Variants in RORA observed in about 807,000 individuals in gnomAD.
RORA encodes the protein RAR related orphan receptor A, also known as nuclear receptor ROR-alpha.
A neutral mutation model predicts 69.5 loss-of-function variants in RORA; 7 were observed. That is an observed-to-expected ratio of 0.10 (90% CI 0.06 to 0.19). The LOEUF is 0.19. Ranked by LOEUF, RORA falls within the 10% of genes least tolerant of loss-of-function variation. The pLI is 1.00. For missense variants in RORA, 457 were observed against 663.0 expected, an observed-to-expected ratio of 0.69 and a Z score of 3.41; for synonymous variants, 261 against 240.8, an observed-to-expected ratio of 1.08 and a Z score of -0.78.
At chr15:60,796,376 C>T (rs1276120317) in intron 1 of RORA, among the ~76,000 whole-genome samples, 1 of 152,156 alleles carries the variant, frequency 6.6e-6, no homozygotes, top group Admixed American at 6.5e-5. Flanking sequence ...GCTGGGCCAG[C>T]CCATGGCAGT....
intron 1 of RORA, among the ~76,000 whole-genome samples, chr15:61,227,661 T>C (rs1191453082): frequency 1.3e-5 from 2 of 151,836 alleles, no homozygotes; most frequent in Non-Finnish European, 2.9e-5. Flanking sequence ...AAGGGAGCAG[T>C]TCCTGGGGCC....
At chr15:60,676,688 T>C (rs1319268224) in intron 2 of RORA, among the ~76,000 whole-genome samples, 1 of 152,232 alleles carries the variant, frequency 6.6e-6, no homozygotes, top group Non-Finnish European at 1.5e-5. Flanking sequence ...TGAAATTCTT[T>C]AAGCCTTTGT....
chr15:60,723,237 A>G (rs1221163493), intron 1 of RORA, among the ~76,000 whole-genome samples: 2 of 152,228 alleles, frequency 1.3e-5, no homozygotes, highest in Non-Finnish European at 2.9e-5. Flanking sequence ...CTTAACATAT[A>G]AAGTTTTATT....
chr15:61,079,075 C>A (rs994750086), intron 1 of RORA, among the ~76,000 whole-genome samples: 3 of 151,894 alleles, frequency 2.0e-5, no homozygotes, highest in Non-Finnish European at 4.4e-5. Context: ...TTCACGTGCC[C>A]AAAACTCCCT....
intron 1 of RORA, among the ~76,000 whole-genome samples, chr15:60,980,306 A>G (rs1163319852): frequency 6.6e-6 from 1 of 152,094 alleles, no homozygotes; most frequent in Non-Finnish European, 1.5e-5. Context: ...TAATTTTTGC[A>G]TTTATATTCA....
At chr15:61,129,843 C>G (rs562336337) in intron 1 of RORA, among the ~76,000 whole-genome samples, 1 of 152,332 alleles carries the variant, frequency 6.6e-6, no homozygotes, top group South Asian at 2.1e-4. Flanking sequence ...AAAAGAGGAA[C>G]AAGGAGGCAG....
At chr15:60,555,317 A>G (rs1415904847) in intron 2 of RORA, among the ~76,000 whole-genome samples, 1 of 152,206 alleles carries the variant, frequency 6.6e-6, no homozygotes, top group Non-Finnish European at 1.5e-5. Flanking sequence ...TAAAATCAAA[A>G]GGTTCCAAAG....
intron 1 of RORA, among the ~76,000 whole-genome samples, chr15:60,842,934 G>A (rs928056298): frequency 2.0e-5 from 3 of 152,162 alleles, no homozygotes; most frequent in Non-Finnish European, 1.5e-5. Flanking sequence ...TGGAAGAGCT[G>A]GGGCTGGCTG....
intron 1 of RORA, among the ~76,000 whole-genome samples, chr15:61,206,447 G>A (rs1194453403): frequency 6.6e-6 from 1 of 152,138 alleles, no homozygotes; most frequent in African/African-American, 2.4e-5. Flanking sequence ...TGGGAAACAC[G>A]TGGACAACCC....
intron 1 of RORA, among the ~76,000 whole-genome samples, chr15:61,112,713 A>G (rs368750021): frequency 2.0e-4 from 30 of 152,302 alleles, no homozygotes; most frequent in African/African-American, 6.7e-4. Flanking sequence ...GTTCCTTCCA[A>G]CTACCTGCAG....
intron 1 of RORA, among the ~76,000 whole-genome samples, chr15:61,167,391 G>T (rs996222917): frequency 6.0e-5 from 9 of 150,018 alleles, no homozygotes; most frequent in African/African-American, 2.2e-4. Context: ...CATTATTACA[G>T]ACACTCAGGT....
intron 2 of RORA, among the ~76,000 whole-genome samples, chr15:60,548,879 C>T (rs1447958645): frequency 2.6e-5 from 4 of 152,160 alleles, no homozygotes; most frequent in Non-Finnish European, 4.4e-5. Context: ...CCCGCCTTGG[C>T]CTCCCAAAGT....
At chr15:60,779,592 C>T (rs1963497) in intron 1 of RORA, among the ~76,000 whole-genome samples, 2 of 152,066 alleles carry the variant, frequency 1.3e-5, no homozygotes, top group Non-Finnish European at 2.9e-5. Context: ...GGTTAACAGG[C>T]CAACACATCT....
intron 1 of RORA, among the ~76,000 whole-genome samples, chr15:60,978,303 G>A (rs1893936085): frequency 6.6e-6 from 1 of 151,920 alleles, no homozygotes; most frequent in Admixed American, 6.6e-5. Flanking sequence ...GTGGCTTTTT[G>A]TGTATCTCCT....
At chr15:60,591,991 G>A (rs544205729) in intron 2 of RORA, among the ~76,000 whole-genome samples, 1 of 152,046 alleles carries the variant, frequency 6.6e-6, no homozygotes, top group South Asian at 2.1e-4. Context: ...TGTCCCGGGT[G>A]CGGGCCCTGG....
chr15:61,121,674 C>A (rs1188738610), intron 1 of RORA, among the ~76,000 whole-genome samples: 1 of 152,066 alleles, frequency 6.6e-6, no homozygotes, highest in Non-Finnish European at 1.5e-5. Context: ...ATCCAGACTT[C>A]CAAAGACTCA....
At chr15:60,959,976 C>T (rs1893369877) in intron 1 of RORA, among the ~76,000 whole-genome samples, 1 of 152,148 alleles carries the variant, frequency 6.6e-6, no homozygotes, top group South Asian at 2.1e-4. Flanking sequence ...GAGGTATCCT[C>T]TATACTTCCC....
chr15:60,533,138 A>G (rs879276172), intron 2 of RORA, among the ~76,000 whole-genome samples: 2 of 152,244 alleles, frequency 1.3e-5, no homozygotes, highest in Non-Finnish European at 2.9e-5. Flanking sequence ...ACCTCATTAT[A>G]AACCATGTGT....
At chr15:61,067,098 A>G (rs1262366171) in intron 1 of RORA, among the ~76,000 whole-genome samples, 3 of 151,084 alleles carry the variant, frequency 2.0e-5, no homozygotes, top group African/African-American at 7.3e-5. Context: ...TGTATGCATT[A>G]GTCTAAACTT....
Sources: gnomAD v4.1 joint callset for allele counts (sites outside exome capture counted in the v4.1 genomes callset) on GRCh38, gnomAD v4.1.1 for gene constraint, MANE v1.5 for transcripts, NCBI Gene and HGNC (gene_info 2026-07-23, HGNC 2026-07-21) for gene names.